Variants in SELENON observed in about 807,000 individuals in gnomAD.
SELENON encodes selenoprotein N, also known as selenoprotein N, 1.
In SELENON, 44 loss-of-function variants were observed where a neutral mutation model predicts 59.5. The observed-to-expected ratio is 0.74, with a 90% confidence interval of 0.58 to 0.95. SELENON has a LOEUF of 0.95. Ranked by LOEUF, SELENON falls within the 40% of genes least tolerant of loss-of-function variation. SELENON has a pLI of 0.00. For synonymous variants in SELENON, 320 were observed against 305.6 expected (o/e 1.05, Z -0.49); for missense variants, 674 against 721.4 (o/e 0.93, Z 0.75).
Position 25,801,174 on chromosome 1 carries a change from C to G in SELENON, c.301+14C>G. On this transcript the variant is annotated intron_variant, in intron 2 of 12. Coordinates refer to ENST00000361547, the MANE Select transcript of SELENON (RefSeq NM_020451.3). ...AGAAGCTAACAGGTACCAGGAGAGA[C>G]TGGCGGCTGGGGAGGAGGGCGCCTT... 6.2e-7 allele frequency: 1 copy of G among 1,605,914 alleles called. No homozygotes were observed. The highest frequency in any genetic ancestry group is 8.5e-7 in the Non-Finnish European group (1 of 1,172,614).
At position 25,814,110 on chromosome 1, in the gene SELENON, G is replaced by A. The variant is rs1358541711; in HGVS notation, c.1534G>A (p.Ala512Thr). The A allele has an allele frequency of 6.2e-7, 1 of 1,614,198 alleles. No individual in the cohort carries two copies. The highest frequency in any genetic ancestry group is 1.1e-5 in the South Asian group (1 of 91,088). Reference sequence around the variant, plus strand: ...GGAGAACTCGTCCCACCAGAAGCTGGCTGGCCTGCACCTGGAGAAGTACAG... The same window carrying A: ...GGAGAACTCGTCCCACCAGAAGCTGACTGGCCTGCACCTGGAGAAGTACAG... Residue 512 changes from alanine (A) to threonine (T), a missense_variant, in exon 12 of 13, where the codon GCT becomes ACT. Transcript: ENST00000361547.
chr1:25,811,520 C>T lies in SELENON; in HGVS notation c.1077C>T (p.Ile359=), dbSNP rs370740923. Residue 359 remains isoleucine (I), a synonymous_variant, in exon 8 of 13, where the codon ATC becomes ATT. Transcript: ENST00000361547. ...AAAGCAGCAACATGGAGGTGGACATCGGCTACATACCCCAGGTGAGCGCAC... is the reference window on the plus strand; with the variant it reads ...AAAGCAGCAACATGGAGGTGGACATTGGCTACATACCCCAGGTGAGCGCAC... 6.2e-5 allele frequency: 100 copies of T among 1,613,910 alleles called. No homozygotes were observed. Among genetic ancestry groups the T allele is most frequent in the Middle Eastern group, 1.6e-4 (1 of 6,084 alleles).
At chr1:25,812,526 TAC>T (rs997969133) in intron 9 of SELENON, among the ~76,000 whole-genome samples, 159 bp from the exon 9 acceptor site, 1 of 147,018 alleles carries the variant, frequency 6.8e-6, no homozygotes, top group African/African-American at 2.6e-5. Context: ...AATGTACATA[TAC>T]ACAGACATAC....
intron 1 of SELENON, among the ~76,000 whole-genome samples, chr1:25,800,658 C>T (rs2047853170): frequency 6.6e-6 from 1 of 151,872 alleles, no homozygotes; most frequent in Non-Finnish European, 1.5e-5. Context: ...GGGTCTCTAT[C>T]CAGAGGGGTG....
rs921354966 is a variant in SELENON, at chr1:25,815,810, C to T, written c.*92C>T. ...TCAGACTGCAGATGCCGCCCACTCC[C>T]ACCCCACTCCTAGGCTGCCTTGGAG... On this transcript the variant is annotated 3_prime_UTR_variant, in exon 13 of 13. Coordinates refer to ENST00000361547, the MANE Select transcript of SELENON (RefSeq NM_020451.3). 3.7e-6 allele frequency: 5 copies of T among 1,348,260 alleles called. 1 individual carries two copies. The African/African-American group carries it at 4.3e-5, about 12-fold the overall frequency. 83.5% of individuals were successfully genotyped at this position (1,348,260 alleles called of 1,614,324 possible).
intron 10 of SELENON, chr1:25,813,674 T>C (rs750984672): frequency 3.1e-6 from 2 of 640,962 alleles, no homozygotes; most frequent in Non-Finnish European, 5.8e-6. Context: ...GTAGAACCCC[T>C]AACCCTAATC....
intron 6 of SELENON, 86 bp downstream of exon 5, chr1:25,809,236 C>A: frequency 6.3e-7 from 1 of 1,587,222 alleles, no homozygotes; most frequent in South Asian, 1.1e-5. Context: ...TTGAGCCCCC[C>A]AGCTCCACCT....
Position 25,809,822 on chromosome 1 carries a change from T to TA in SELENON, c.1010+2_1010+3insA. 6.2e-7 allele frequency: 1 copy of TA among 1,613,222 alleles called. No homozygotes were observed. The highest frequency in any genetic ancestry group is 1.3e-5 in the African/African-American group (1 of 75,026). ...CCGGCTCTTCGTGCCCAACCACAGGTGGGAGCTTGACCCTGGCCCAGCCTT... is the reference window on the plus strand; with the variant it reads ...CCGGCTCTTCGTGCCCAACCACAGGTAGGGAGCTTGACCCTGGCCCAGCCTT... On this transcript the variant is annotated splice_region_variant and intron_variant, in intron 7 of 12. Transcript: ENST00000361547.
rs1023302860 is a variant in SELENON at position 25,800,230 on chromosome 1, C to G, written c.-1C>G. 1.3e-6 allele frequency: 1 copy of G among 765,464 alleles called. No homozygotes were observed. Among genetic ancestry groups the G allele is most frequent in the African/African-American group, 1.9e-5 (1 of 52,382 alleles). 47.4% of individuals were successfully genotyped at this position (765,464 alleles called of 1,614,324 possible). On this transcript the variant is annotated 5_prime_UTR_variant, in exon 1 of 13. Coordinates refer to ENST00000361547, the MANE Select transcript of SELENON (RefSeq NM_020451.3). ...GCCGGCAGCCGCCGCCAGCCGCAGC[C>G]ATGGGCCGGGCCCGGCCGGGCCAAC... is the stretch of plus-strand genomic sequence containing the variant.
At chr1:25,813,811 G>A (rs2047986792) in intron 10 of SELENON, 70 bp from the exon 10 acceptor site, 2 of 1,153,720 alleles carry the variant, frequency 1.7e-6, no homozygotes, top group Admixed American at 1.7e-5. Flanking sequence ...CAGCCCGTGA[G>A]GTCTCCCCAA....
rs1249830173 is a variant in SELENON, at chr1:25,800,217, C to CGGCAGTGCT, written c.-13_-12insGCAGTGCTG. On this transcript the variant is annotated 5_prime_UTR_variant, in exon 1 of 13. Coordinates refer to ENST00000361547, the MANE Select transcript of SELENON (RefSeq NM_020451.3). ...CGCTTCCCGGGCCGCCGGCAGCCGC[C>CGGCAGTGCT]GCCAGCCGCAGCCATGGGCCGGGCC... is the stretch of plus-strand genomic sequence containing the variant. 3 of 672,682 alleles carry CGGCAGTGCT rather than the reference C, an allele frequency of 4.5e-6. No individual in the cohort carries two copies. The highest frequency in any genetic ancestry group is 5.5e-6 in the Non-Finnish European group (3 of 547,082). The allele number at this position is 672,682 out of a possible 1,614,324, so 41.7% of individuals were successfully genotyped here.
chr1:25,814,959 C>T (rs2047997782), intron 12 of SELENON, among the ~76,000 whole-genome samples: 1 of 152,146 alleles, frequency 6.6e-6, no homozygotes. Context: ...AAGGCATCTG[C>T]TGTCCCAGGC....
chr1:25,802,959 C>T lies in SELENON; in HGVS notation c.403+842C>T, dbSNP rs180833620. On this transcript the variant is annotated intron_variant, in intron 3 of 12. Coordinates refer to ENST00000361547, the MANE Select transcript of SELENON (RefSeq NM_020451.3). ...TAAGCTTCAAAGCGCTGTCACTAGC[C>T]TGCTGTTTTTCAGGGGTGTATTGTG... Among the ~76,000 whole-genome samples the T allele has an allele frequency of 1.5e-3, 225 of 152,284 alleles. 3 individuals carry two copies. The Middle Eastern group carries it at 0.037, about 25-fold the overall frequency.
At chr1:25,811,129 C>T (rs1373255521) in intron 7 of SELENON, among the ~76,000 whole-genome samples, 4 of 152,230 alleles carry the variant, frequency 2.6e-5, no homozygotes, top group Non-Finnish European at 5.9e-5. Flanking sequence ...CCCTGTGACC[C>T]GCCTTGAGGC....
In SELENON at chr1:25,808,587, G is replaced by C; in HGVS notation, c.545G>C (p.Arg182Pro). 1 of 1,613,416 alleles carries C rather than the reference G, an allele frequency of 6.2e-7. No individual in the cohort carries two copies. Among genetic ancestry groups the C allele is most frequent in the East Asian group, 2.2e-5 (1 of 44,840 alleles). ...TGCTTTCCCCCGCCCCAGGTCTCCC[G>C]CCTCGCCCTGTCCGGCCTCCGAAAC... Residue 182 changes from arginine (R) to proline (P), a missense_variant, in exon 5 of 13, where the codon CGC becomes CCC. Transcript: ENST00000361547.
chr1:25,809,933 G>A, intron 7 of SELENON, 113 bp downstream of exon 6: 1 of 1,372,946 alleles, frequency 7.3e-7, no homozygotes, highest in South Asian at 1.2e-5. Flanking sequence ...GCTCCCCAGA[G>A]CCCATCTCAT....
chr1:25,806,271 G>A (rs72877454), intron 4 of SELENON, among the ~76,000 whole-genome samples: 2,028 of 152,380 alleles, frequency 0.013, 48 homozygotes, highest in African/African-American at 0.046. Context: ...CCCACCAAGG[G>A]CTTTGTTGCC....
chr1:25,811,389 T>G, intron 7 of SELENON, 65 bp from the exon 7 acceptor site: 659 of 1,338,424 alleles, frequency 4.9e-4, no homozygotes, highest in Non-Finnish European at 6.4e-4. Flanking sequence ...AGGTATTATG[T>G]GAGATAAAGT....
intron 5 of SELENON, 47 bp from the exon 5 acceptor site, chr1:25,808,979 G>A: frequency 2.5e-6 from 4 of 1,612,732 alleles, no homozygotes; most frequent in South Asian, 1.1e-5. Context: ...GCGGATCCAG[G>A]CCCAGCGGGA....
Sources: allele counts gnomAD v4.1 joint callset (sites outside exome capture counted in the v4.1 genomes callset), GRCh38; gene constraint gnomAD v4.1.1; transcripts MANE v1.5; gene names NCBI Gene and HGNC (gene_info 2026-07-23, HGNC 2026-07-21).